The following ZNF831 variants were observed in gnomAD, a reference collection of about 807,000 sequenced individuals.
The protein encoded by ZNF831 is zinc finger protein 831, also known as chromosome 20 open reading frame 174.
ZNF831 carries 59 observed loss-of-function variants against 95.8 expected under a neutral mutation model. That is an observed-to-expected ratio of 0.62 (90% CI 0.50 to 0.77). The LOEUF is 0.77. Among genes scored for constraint, ZNF831 ranks in the 30% least tolerant of loss-of-function variants. The probability of loss-of-function intolerance (pLI) is 0.00; values close to 1 mark genes in which losing one functional copy is unlikely to be tolerated. For missense variants in ZNF831, 2,205 were observed against 2,164.0 expected (o/e 1.02, Z -0.38); for synonymous variants, 961 against 925.5 (o/e 1.04, Z -0.70).
In ZNF831 at chr20:59,194,741, C is replaced by T. The variant is rs750494004; in HGVS notation, c.3722C>T (p.Pro1241Leu). ...TGGACAAGCCCTGGAGAAGGAGGGC[C>T]GGCGCAGATGTCCAAGGTAAAGCTG... ...WTWTSPGEGG[P>L]AQMSKFSYPT... Residue 1241 changes from proline to leucine, a missense_variant, in exon 2 of 6, where the codon CCG becomes CTG. Transcript: ENST00000371030. The T allele has an allele frequency of 3.4e-5, 54 of 1,567,448 alleles. No individual in the cohort carries two copies. Among genetic ancestry groups the T allele is most frequent in the South Asian group, 4.8e-5 (4 of 83,122 alleles).
chr20:59,235,077 A>G (rs965147113), intron 4 of ZNF831, among the ~76,000 whole-genome samples: 1 of 151,876 alleles, frequency 6.6e-6, no homozygotes, highest in African/African-American at 2.4e-5. Context: ...CCTTATTTTT[A>G]TGGCACTTTG....
At chr20:59,218,512 C>T (rs970991372) in intron 4 of ZNF831, among the ~76,000 whole-genome samples, 6 of 152,060 alleles carry the variant, frequency 3.9e-5, no homozygotes, top group Non-Finnish European at 8.8e-5. Context: ...TTCAGAGGCT[C>T]TGCAGGTGGG....
intron 4 of ZNF831, among the ~76,000 whole-genome samples, chr20:59,223,092 G>A (rs1986206229): frequency 6.6e-6 from 1 of 152,058 alleles, no homozygotes; most frequent in South Asian, 2.1e-4. Flanking sequence ...GGAGGCAGGA[G>A]CCCCAGCTGA....
intron 3 of ZNF831, among the ~76,000 whole-genome samples, chr20:59,204,243 A>G (rs916291250): frequency 3.9e-5 from 6 of 152,246 alleles, no homozygotes; most frequent in African/African-American, 1.4e-4. Flanking sequence ...GCGGATGTTT[A>G]TCTGTCTAAG....
chr20:59,135,952 C>T (rs1415203941), intron 1 of ZNF831, among the ~76,000 whole-genome samples: 7 of 152,114 alleles, frequency 4.6e-5, no homozygotes, highest in African/African-American at 1.7e-4. Flanking sequence ...TCAGCTTGGG[C>T]AACGGAGCAA....
At chr20:59,200,013 C>T (rs1384677224) in intron 3 of ZNF831, among the ~76,000 whole-genome samples, 1 of 152,174 alleles carries the variant, frequency 6.6e-6, no homozygotes, top group Non-Finnish European at 1.5e-5. Flanking sequence ...TTTCTCAGCA[C>T]ATCAAAGCTA....
At chr20:59,167,828 C>T (rs1254986938) in intron 1 of ZNF831, among the ~76,000 whole-genome samples, 1 of 151,684 alleles carries the variant, frequency 6.6e-6, no homozygotes, top group Non-Finnish European at 1.5e-5. Flanking sequence ...GAGCTGAGAT[C>T]GTGCCACTGC....
chr20:59,187,893 T>A (rs1057276283), intron 1 of ZNF831, among the ~76,000 whole-genome samples: 2 of 152,248 alleles, frequency 1.3e-5, no homozygotes, highest in Non-Finnish European at 2.9e-5. Context: ...AATGCAATTA[T>A]AAAACACGTG....
At chr20:59,173,564 G>A (rs1981908352) in intron 1 of ZNF831, among the ~76,000 whole-genome samples, 1 of 152,200 alleles carries the variant, frequency 6.6e-6, no homozygotes, top group African/African-American at 2.4e-5. Context: ...CAAGGCACAT[G>A]TTCTAAATTG....
At chr20:59,138,968 T>A (rs1238138810) in intron 1 of ZNF831, among the ~76,000 whole-genome samples, 1 of 152,110 alleles carries the variant, frequency 6.6e-6, no homozygotes, top group Non-Finnish European at 1.5e-5. Flanking sequence ...AGAGGTCCTC[T>A]CCGTCCATTT....
rs904677729 is a variant in ZNF831, at chr20:59,208,398, C to T, written c.4027+1342C>T. Among the ~76,000 whole-genome samples the T allele has an allele frequency of 3.3e-5, 5 of 152,194 alleles. No homozygotes were observed. Among genetic ancestry groups the T allele is most frequent in the Non-Finnish European group, 7.3e-5 (5 of 68,038 alleles). On this transcript the variant is annotated intron_variant, in intron 4 of 5. Coordinates refer to ENST00000371030, the MANE Select transcript of ZNF831 (RefSeq NM_178457.3). This position sits in a 1 kb window ranked among gnomAD's most constrained non-coding sequence, Gnocchi z 4.2. Reference sequence around the variant, plus strand: ...GCAAAGGCCAGGGGACCATGCAACTCTCTGCTTTCTCGTTGGGCCGTCCTG... The same window carrying T: ...GCAAAGGCCAGGGGACCATGCAACTTTCTGCTTTCTCGTTGGGCCGTCCTG...
In ZNF831 at chr20:59,191,944, G is replaced by T. The variant is rs1428090098; in HGVS notation, c.925G>T (p.Ala309Ser). ...RKLPEQKSPT[A>S]GKPCALQRQQ... is the part of the protein sequence containing the mutation. ...GTTGCCAGAGCAGAAGTCGCCGACCGCCGGGAAGCCGTGCGCCCTGCAGCG... is the reference window on the plus strand; with the variant it reads ...GTTGCCAGAGCAGAAGTCGCCGACCTCCGGGAAGCCGTGCGCCCTGCAGCG... Residue 309 changes from alanine (A) to serine (S), a missense_variant, in exon 2 of 6, where the codon GCC becomes TCC. Ala to Ser is a moderately conservative substitution (Grantham distance 99, BLOSUM62 1). Coordinates refer to ENST00000371030, the MANE Select transcript of ZNF831 (RefSeq NM_178457.3). The T allele has an allele frequency of 6.2e-7, 1 of 1,608,740 alleles. No individual in the cohort carries two copies. The highest frequency in any genetic ancestry group is 8.5e-7 in the Non-Finnish European group (1 of 1,178,298).
intron 1 of ZNF831, among the ~76,000 whole-genome samples, chr20:59,178,002 G>A (rs974261404): frequency 1.1e-4 from 17 of 152,170 alleles, no homozygotes; most frequent in Admixed American, 2.0e-4. Flanking sequence ...TTTTTCTTTT[G>A]GTTTTGAATT....
At chr20:59,175,121 TA>T in intron 1 of ZNF831, among the ~76,000 whole-genome samples, 1 of 152,108 alleles carries the variant, frequency 6.6e-6, no homozygotes, top group African/African-American at 2.4e-5. Flanking sequence ...TTTCTGTAGC[TA>T]AGGCATTGTT....
At position 59,192,104 on chromosome 20, in the gene ZNF831, C is replaced by A. The variant is rs779827121; in HGVS notation, c.1085C>A (p.Pro362His). The A allele has an allele frequency of 6.3e-7, 1 of 1,588,096 alleles. No homozygotes were observed. The highest frequency in any genetic ancestry group is 8.5e-7 in the Non-Finnish European group (1 of 1,171,874). ...GAGCAGCCGCATGCGCCCTGCAGCC[C>A]CCTGCACAGCCTTTCGGAGCACAGC... The part of the protein sequence containing the change: ...SAEQPHAPCS[P>H]LHSLSEHSAE... Residue 362 changes from proline to histidine, a missense_variant, in exon 2 of 6, where the codon CCC becomes CAC. Transcript: ENST00000371030. The surrounding 1 kb of genome is among the most constrained non-coding windows in gnomAD (Gnocchi z 5.2).
At chr20:59,163,727 TTC>T (rs1195244035), upstream of ZNF831, among the ~76,000 whole-genome samples, 3 of 151,654 alleles carry the variant, frequency 2.0e-5, no homozygotes, top group African/African-American at 7.3e-5. Context: ...TTTTTTTTTT[TTC>T]GTGTCTGCTT....
intron 2 of ZNF831, among the ~76,000 whole-genome samples, chr20:59,157,464 C>T (rs959270585): frequency 6.6e-6 from 1 of 152,126 alleles, no homozygotes; most frequent in Non-Finnish European, 1.5e-5. Context: ...AGAGCCCTGC[C>T]ACCTTCCAAA....
rs1412349080 is a variant in ZNF831 at position 59,254,564 on chromosome 20, G to A, written c.4855G>A (p.Gly1619Arg). Residue 1619 changes from glycine to arginine, a missense_variant, in exon 6 of 6, where the codon GGA becomes AGA. Transcript: ENST00000371030. This position sits in a 1 kb window ranked among gnomAD's most constrained non-coding sequence, Gnocchi z 4.5. The stretch of plus-strand genomic sequence containing the variant: ...TGACGGTAGGAAACGTCAGGTATCT[G>A]GATTAATCACTCGGAAAGATTCTGT... The part of the protein sequence containing the change: ...GSDGRKRQVS[G>R]LITRKDSVVP... 6.2e-7 allele frequency: 1 copy of A among 1,614,030 alleles called. No individual in the cohort carries two copies. Among genetic ancestry groups the A allele is most frequent in the African/African-American group, 1.3e-5 (1 of 74,994 alleles).
chr20:59,254,909 A>G lies in ZNF831; in HGVS notation c.*166A>G, dbSNP rs147597294. 1,771 of 889,282 alleles carry G rather than the reference A, an allele frequency of 2.0e-3. 3 individuals carry two copies. Among genetic ancestry groups the G allele is most frequent in the Non-Finnish European group, 2.7e-3 (1,603 of 600,030 alleles). The allele number at this position is 889,282 out of a possible 1,614,324, so 55.1% of individuals were successfully genotyped here. ...AACTCCAACCAACTTCTGACCCCCA[A>G]CTCAGCCGCAGCGTTCCCCAGCTCC... is the stretch of plus-strand genomic sequence containing the variant. On this transcript the variant is annotated 3_prime_UTR_variant, in exon 6 of 6. Coordinates refer to ENST00000371030, the MANE Select transcript of ZNF831 (RefSeq NM_178457.3). The surrounding 1 kb of genome is among the most constrained non-coding windows in gnomAD (Gnocchi z 4.5).
Sources: allele counts gnomAD v4.1 joint callset (sites outside exome capture counted in the v4.1 genomes callset), GRCh38; gene constraint gnomAD v4.1.1; non-coding constraint Gnocchi (gnomAD v3.1); transcripts MANE v1.5; gene names NCBI Gene and HGNC (gene_info 2026-07-23, HGNC 2026-07-21).